Variants in IL4R observed in about 807,000 individuals in gnomAD.
IL4R encodes interleukin 4 receptor.
In IL4R, 17 loss-of-function variants were observed where a neutral mutation model predicts 41.5. The ratio of observed to expected loss-of-function variants is 0.41; its 90% CI spans 0.28 to 0.61. The LOEUF (loss-of-function observed/expected upper bound fraction) is 0.61. Ranked by LOEUF, IL4R falls within the 20% of genes least tolerant of loss-of-function variation. IL4R has a pLI of 0.31. For missense variants in IL4R, 974 were observed against 1,043.1 expected, an observed-to-expected ratio of 0.93 and a Z score of 0.91; for synonymous variants, 402 against 422.9, an observed-to-expected ratio of 0.95 and a Z score of 0.61.
Position 27,352,099 on chromosome 16 carries a change from T to TA in IL4R, c.514-440dup, listed in dbSNP as rs573867203. Among the ~76,000 whole-genome samples the TA allele has an allele frequency of 1.3e-4, 20 of 152,302 alleles. No homozygotes were observed. In the East Asian group the frequency reaches 2.1e-3, roughly 16 times the overall value. Reference sequence around the variant, plus strand: ...TATACCAAACCCTATTTGAAATACTTACGTATATTAACCCATTTCCTTATC... The same window carrying TA: ...TATACCAAACCCTATTTGAAATACTTAACGTATATTAACCCATTTCCTTATC... On this transcript the variant is annotated intron_variant, in intron 6 of 10. Coordinates refer to ENST00000395762, the MANE Select transcript of IL4R (RefSeq NM_000418.4).
rs868396936 is a variant in IL4R at position 27,337,922 on chromosome 16, T to C, written c.-18-2264T>C. Among the ~76,000 whole-genome samples the C allele has an allele frequency of 6.1e-4, 92 of 150,890 alleles. 1 individual carries two copies. Among genetic ancestry groups the C allele is most frequent in the African/African-American group, 1.8e-3 (73 of 41,136 alleles). On this transcript the variant is annotated intron_variant, in intron 2 of 10. Coordinates refer to ENST00000395762, the MANE Select transcript of IL4R (RefSeq NM_000418.4). ...TGCTGGGGAAAAGTACACACTTGAC[T>C]CCGTGAGATTCTGCTTCTTAGCATT...
intron 1 of IL4R, among the ~76,000 whole-genome samples, chr16:27,318,183 T>C (rs1337713820): frequency 6.6e-6 from 1 of 152,248 alleles, no homozygotes; most frequent in African/African-American, 2.4e-5. Flanking sequence ...CTCAGATGTC[T>C]TTCTGCAGAG....
chr16:27,363,166 C>T lies in IL4R; in HGVS notation c.1814C>T (p.Ala605Val). The T allele has an allele frequency of 1.9e-6, 3 of 1,611,954 alleles. No individual in the cohort carries two copies. The highest frequency in any genetic ancestry group is 2.2e-5 in the South Asian group (2 of 90,862). ...CCCCCAGGAGAGGCTGGTTACAAGG[C>T]CTTCTCAAGCCTGCTTGCCAGCAGT... is the stretch of plus-strand genomic sequence containing the variant. ...LGPPGEAGYK[A>V]FSSLLASSAV... is the part of the protein sequence containing the mutation. The change falls in exon 11 of 11, where the codon GCC becomes GTC. Residue 605 changes from alanine to valine, a missense_variant. Coordinates refer to ENST00000395762, the MANE Select transcript of IL4R (RefSeq NM_000418.4).
intron 1 of IL4R, among the ~76,000 whole-genome samples, chr16:27,319,682 A>C (rs1471107751): frequency 6.6e-6 from 1 of 152,176 alleles, no homozygotes; most frequent in Non-Finnish European, 1.5e-5. Context: ...CCCACACAGC[A>C]GGGCCACACA....
At chr16:27,347,740 A>T (rs2239346) in intron 6 of IL4R, among the ~76,000 whole-genome samples, 65,965 of 151,972 alleles carry the variant, frequency 0.43, 14,518 homozygotes, top group South Asian at 0.51. Context: ...CAGGGCTGCA[A>T]TCCAATGCCT....
chr16:27,330,789 T>C (rs1337300212), intron 2 of IL4R, among the ~76,000 whole-genome samples: 7 of 152,110 alleles, frequency 4.6e-5, no homozygotes, highest in Admixed American at 1.3e-4. Flanking sequence ...GTTACATAAA[T>C]GGAGTCACGG....
intron 1 of IL4R, among the ~76,000 whole-genome samples, chr16:27,322,102 G>GTT (rs2084828733): frequency 1.1e-5 from 1 of 92,606 alleles, no homozygotes; most frequent in African/African-American, 4.6e-5. Context: ...GTCACTATGT[G>GTT]GTTTTTTTTT....
At chr16:27,353,906 A>G (rs1485051602) in intron 7 of IL4R, among the ~76,000 whole-genome samples, 6 of 152,174 alleles carry the variant, frequency 3.9e-5, no homozygotes, top group Non-Finnish European at 7.3e-5. Context: ...TTCTACCTGC[A>G]GCCATGTTGG....
chr16:27,354,601 C>T (rs1317285261), intron 7 of IL4R, among the ~76,000 whole-genome samples: 1 of 152,202 alleles, frequency 6.6e-6, no homozygotes, highest in African/African-American at 2.4e-5. Flanking sequence ...TGGCTCAAGC[C>T]TTAGGGTGGG....
At chr16:27,326,638 C>T (rs1198168775) in intron 1 of IL4R, among the ~76,000 whole-genome samples, 2 of 152,146 alleles carry the variant, frequency 1.3e-5, no homozygotes, top group Non-Finnish European at 2.9e-5. Context: ...TGCATTCTAG[C>T]CACAGAATGA....
intron 4 of IL4R, among the ~76,000 whole-genome samples, chr16:27,344,577 C>T (rs1283340720): frequency 2.0e-5 from 3 of 152,202 alleles, no homozygotes; most frequent in African/African-American, 7.2e-5. Flanking sequence ...CGGTTCTTCC[C>T]TTTCATGGGC....
In IL4R at chr16:27,362,548, G is replaced by A; in HGVS notation, c.1196G>A (p.Arg399Lys). ...ESSRDDFQEG[R>K]EGIVARLTES... is the part of the protein sequence containing the mutation. Reference sequence around the variant, plus strand: ...AGCAGGGATGACTTCCAGGAGGGAAGGGAGGGCATTGTGGCCCGGCTAACA... The same window carrying A: ...AGCAGGGATGACTTCCAGGAGGGAAAGGAGGGCATTGTGGCCCGGCTAACA... The change falls in exon 11 of 11, where the codon AGG becomes AAG. Residue 399 changes from arginine (R) to lysine (K), a missense_variant. Arg to Lys is a conservative substitution (Grantham distance 26). Transcript: ENST00000395762. 2 of 1,614,212 alleles carry A rather than the reference G, an allele frequency of 1.2e-6. No homozygotes were observed. Among genetic ancestry groups the A allele is most frequent in the Non-Finnish European group, 1.7e-6 (2 of 1,180,034 alleles).
intron 6 of IL4R, among the ~76,000 whole-genome samples, chr16:27,349,033 C>A (rs796187309): frequency 1.9e-4 from 29 of 152,324 alleles, no homozygotes; most frequent in African/African-American, 6.7e-4. Context: ...AGTCCAGCTT[C>A]TCTTGTGGGT....
chr16:27,335,495 G>C (rs750270420), intron 2 of IL4R, among the ~76,000 whole-genome samples: 2 of 152,198 alleles, frequency 1.3e-5, no homozygotes, highest in Non-Finnish European at 2.9e-5. Flanking sequence ...AGCCTCCCAA[G>C]AAGTTGGGAT....
In IL4R at chr16:27,363,150, G is replaced by A. The variant is rs773790506; in HGVS notation, c.1798G>A (p.Glu600Lys). 6.2e-7 allele frequency: 1 copy of A among 1,613,414 alleles called. No individual in the cohort carries two copies. Among genetic ancestry groups the A allele is most frequent in the South Asian group, 1.1e-5 (1 of 90,990 alleles). ...GGTGGTGGGCTTGGGTCCCCCAGGA[G>A]AGGCTGGTTACAAGGCCTTCTCAAG... Reference protein sequence around the residue: ...SAVVGLGPPGEAGYKAFSSLL... With the variant: ...SAVVGLGPPGKAGYKAFSSLL... The change falls in exon 11 of 11, where the codon GAG becomes AAG. Residue 600 changes from glutamate (E) to lysine (K), a missense_variant. Glu to Lys is a moderately conservative substitution (Grantham distance 56). This residue lies in a region of IL4R where 682 missense variants were observed against 704.3 expected (regional missense o/e 0.97). Transcript: ENST00000395762.
At chr16:27,360,963 G>A in intron 10 of IL4R, 148 bp downstream of exon 10, 1 of 1,532,600 alleles carries the variant, frequency 6.5e-7, no homozygotes. Flanking sequence ...GCAGGAGGAG[G>A]GGTGTTCTGG....
At chr16:27,344,817 G>C in intron 4 of IL4R, 52 bp from the exon 5 acceptor site, 1 of 1,592,696 alleles carries the variant, frequency 6.3e-7, no homozygotes, top group South Asian at 1.1e-5. Context: ...CACAGCTGTG[G>C]GGCCCAGCCA....
At chr16:27,340,791 TG>T (rs1021918692) in intron 3 of IL4R, among the ~76,000 whole-genome samples, 4 of 148,288 alleles carry the variant, frequency 2.7e-5, no homozygotes, top group Admixed American at 2.0e-4. Flanking sequence ...CTGGGTGGAG[TG>T]GGGGGGATTG....
chr16:27,357,282 G>T (rs1049414579), intron 8 of IL4R, among the ~76,000 whole-genome samples: 1 of 151,980 alleles, frequency 6.6e-6, no homozygotes, highest in African/African-American at 2.4e-5. Context: ...TTGGTTTCTT[G>T]TTTTGTTCTG....
Sources: allele counts gnomAD v4.1 joint callset (sites outside exome capture counted in the v4.1 genomes callset), GRCh38; gene constraint gnomAD v4.1.1; regional missense constraint gnomAD v4.1.1; transcripts MANE v1.5; gene names NCBI Gene and HGNC (gene_info 2026-07-23, HGNC 2026-07-21).